Variants in ZNF804A observed in about 807,000 individuals in gnomAD.
ZNF804A encodes the protein zinc finger protein 804A.
In ZNF804A, 2 loss-of-function variants were observed where a neutral mutation model predicts 16.5. The ratio of observed to expected loss-of-function variants is 0.12; its 90% CI spans 0.05 to 0.38. The LOEUF (loss-of-function observed/expected upper bound fraction) is 0.38. Ranked by LOEUF, ZNF804A falls within the 10% of genes least tolerant of loss-of-function variation. The pLI is 0.99. For missense variants in ZNF804A, 1,473 were observed against 1,390.7 expected (o/e 1.06, Z -0.94); for synonymous variants, 534 against 489.6 (o/e 1.09, Z -1.20).
At chr2:184,926,668 G>T (rs1389525760) in intron 2 of ZNF804A, among the ~76,000 whole-genome samples, 1 of 152,014 alleles carries the variant, frequency 6.6e-6, no homozygotes, top group African/African-American at 2.4e-5. Flanking sequence ...GTATTTTCCG[G>T]ATCCTGTAGG....
At chr2:184,794,973 G>C (rs1400522876) in intron 1 of ZNF804A, among the ~76,000 whole-genome samples, 2 of 152,104 alleles carry the variant, frequency 1.3e-5, no homozygotes, top group Non-Finnish European at 2.9e-5. Context: ...CAATAATAGT[G>C]GGGGACTTCA....
At chr2:184,742,464 G>A (rs1314940713) in intron 1 of ZNF804A, among the ~76,000 whole-genome samples, 1 of 151,968 alleles carries the variant, frequency 6.6e-6, no homozygotes, top group African/African-American at 2.4e-5. Flanking sequence ...GGAATGAAAA[G>A]AGGATAGAAC....
intron 1 of ZNF804A, among the ~76,000 whole-genome samples, chr2:184,619,594 A>G (rs1691385525): frequency 6.6e-6 from 1 of 152,006 alleles, no homozygotes; most frequent in South Asian, 2.1e-4. Context: ...TAGTATTTTT[A>G]TGTAAATATG....
At chr2:184,756,643 T>G (rs939490163) in intron 1 of ZNF804A, among the ~76,000 whole-genome samples, 1 of 152,040 alleles carries the variant, frequency 6.6e-6, no homozygotes, top group African/African-American at 2.4e-5. Flanking sequence ...CATATATTAT[T>G]TCATGTGTCC....
intron 1 of ZNF804A, among the ~76,000 whole-genome samples, chr2:184,667,298 C>T (rs1692269324): frequency 6.6e-6 from 1 of 151,868 alleles, no homozygotes; most frequent in African/African-American, 2.4e-5. Context: ...TATAGACTTT[C>T]ATTAACTTTC....
chr2:184,603,460 G>C (rs1192953693), intron 1 of ZNF804A, among the ~76,000 whole-genome samples: 1 of 152,072 alleles, frequency 6.6e-6, no homozygotes, highest in Non-Finnish European at 1.5e-5. Flanking sequence ...ACACTATTTG[G>C]CCTTTTGTTT....
chr2:184,722,798 A>G (rs1158468091), intron 1 of ZNF804A, among the ~76,000 whole-genome samples: 1 of 152,034 alleles, frequency 6.6e-6, no homozygotes, highest in Non-Finnish European at 1.5e-5. Flanking sequence ...ATTATTCAAA[A>G]TAATTCTCCC....
At chr2:184,684,163 T>C (rs1692588786) in intron 1 of ZNF804A, among the ~76,000 whole-genome samples, 1 of 152,208 alleles carries the variant, frequency 6.6e-6, no homozygotes, top group Non-Finnish European at 1.5e-5. Context: ...TAAGGCGTAA[T>C]GAATGATTTG....
intron 2 of ZNF804A, among the ~76,000 whole-genome samples, chr2:184,917,379 T>A (rs1381334574): frequency 1.3e-5 from 2 of 152,176 alleles, no homozygotes; most frequent in Non-Finnish European, 2.9e-5. Flanking sequence ...AATACTATGA[T>A]GTAAAATTAA....
intron 1 of ZNF804A, among the ~76,000 whole-genome samples, chr2:184,644,064 A>T (rs1454751030): frequency 4.0e-5 from 6 of 151,820 alleles, no homozygotes; most frequent in Non-Finnish European, 7.4e-5. Context: ...AATCATGTTA[A>T]TTCAGTTATT....
intron 1 of ZNF804A, among the ~76,000 whole-genome samples, chr2:184,852,603 T>G (rs936017795): frequency 6.6e-6 from 1 of 151,618 alleles, no homozygotes; most frequent in Non-Finnish European, 1.5e-5. Flanking sequence ...TTAAGTCTTT[T>G]ATCAATTTTG....
intron 1 of ZNF804A, among the ~76,000 whole-genome samples, chr2:184,759,944 A>C (rs1694017474): frequency 6.6e-6 from 1 of 152,040 alleles, no homozygotes; most frequent in Admixed American, 6.6e-5. Context: ...GCCCACCTGC[A>C]CCCAGGTGAA....
chr2:184,925,823 A>C (rs1685601052), intron 2 of ZNF804A, among the ~76,000 whole-genome samples: 1 of 152,052 alleles, frequency 6.6e-6, no homozygotes. Flanking sequence ...GCAAACAAGC[A>C]AAAATAAAAC....
At chr2:184,629,180 A>G (rs1221382198) in intron 1 of ZNF804A, among the ~76,000 whole-genome samples, 2 of 151,822 alleles carry the variant, frequency 1.3e-5, no homozygotes, top group Admixed American at 1.3e-4. Context: ...TCCTTTGTTG[A>G]TTTTATGTGT....
At chr2:184,930,024 A>G (rs1397264351) in intron 2 of ZNF804A, among the ~76,000 whole-genome samples, 3 of 152,096 alleles carry the variant, frequency 2.0e-5, no homozygotes, top group African/African-American at 7.2e-5. Context: ...AATACACAAC[A>G]CTTGCCCACA....
At chr2:184,678,573 T>C (rs932653399) in intron 1 of ZNF804A, among the ~76,000 whole-genome samples, 1 of 152,112 alleles carries the variant, frequency 6.6e-6, no homozygotes, top group Non-Finnish European at 1.5e-5. Flanking sequence ...TGGGGACAGA[T>C]TGAAAGAAAT....
intron 1 of ZNF804A, among the ~76,000 whole-genome samples, chr2:184,637,180 A>C (rs1382554593): frequency 2.0e-5 from 3 of 152,170 alleles, no homozygotes; most frequent in Non-Finnish European, 4.4e-5. Context: ...TTTTCATTTA[A>C]AAGACAAATT....
chr2:184,601,506 A>G (rs888489635), intron 1 of ZNF804A, among the ~76,000 whole-genome samples: 1 of 152,004 alleles, frequency 6.6e-6, no homozygotes, highest in Non-Finnish European at 1.5e-5. Flanking sequence ...TAAATTTTCA[A>G]GTAAGAATTT....
intron 1 of ZNF804A, among the ~76,000 whole-genome samples, chr2:184,624,242 T>C (rs1027165651): frequency 6.6e-6 from 1 of 152,096 alleles, no homozygotes; most frequent in Non-Finnish European, 1.5e-5. Flanking sequence ...TGCCAATGAG[T>C]TATACACTTA....
Sources: allele counts gnomAD v4.1 joint callset (sites outside exome capture counted in the v4.1 genomes callset), GRCh38; gene constraint gnomAD v4.1.1; transcripts MANE v1.5; gene names NCBI Gene and HGNC (gene_info 2026-07-23, HGNC 2026-07-21).